Variants in USH2A observed in about 807,000 individuals in gnomAD.
USH2A encodes usherin, also known as Usher syndrome 2A (autosomal recessive, mild).
Under a neutral mutation model 538.9 loss-of-function variants are expected in USH2A, and 443 were observed. That is an observed-to-expected ratio of 0.82 (90% CI 0.76 to 0.89). USH2A has a LOEUF of 0.89. Ranked by LOEUF, USH2A falls within the 40% of genes least tolerant of loss-of-function variation. The pLI, the probability that USH2A is intolerant of heterozygous loss-of-function variation, is 0.00. For missense variants in USH2A, 6,633 were observed against 6,324.8 expected (o/e 1.05, Z -1.65); for synonymous variants, 2,413 against 2,273.5 (o/e 1.06, Z -1.75).
intron 4 of USH2A, among the ~76,000 whole-genome samples, chr1:216,328,913 A>C (rs918640031): frequency 6.6e-6 from 1 of 152,094 alleles, no homozygotes; most frequent in African/African-American, 2.4e-5. Flanking sequence ...TATTACATAT[A>C]AAAATATTTC....
At chr1:216,011,643 C>A (rs1668573188) in intron 32 of USH2A, among the ~76,000 whole-genome samples, 1 of 152,142 alleles carries the variant, frequency 6.6e-6, no homozygotes, top group Non-Finnish European at 1.5e-5. Flanking sequence ...TGTCTCCGTG[C>A]AGCGGCTGCT....
rs572188002 is a variant in USH2A, at chr1:215,735,283, G to C, written c.11711+6092C>G. On this transcript the variant is annotated intron_variant, in intron 60 of 71. Transcript: ENST00000307340. ...TCCCTCAGTTCTAAAGGTGCTAGCT[G>C]TTTCCTGTAGTTGCCACCTCCATGA... Among the ~76,000 whole-genome samples, 14 of 152,270 alleles carry C rather than the reference G, an allele frequency of 9.2e-5. No individual in the cohort carries two copies. The South Asian group carries it at 2.3e-3, about 25-fold the overall frequency.
chr1:216,243,411 C>T (rs1479136212), intron 13 of USH2A, among the ~76,000 whole-genome samples: 5 of 152,142 alleles, frequency 3.3e-5, no homozygotes, highest in African/African-American at 1.2e-4. Flanking sequence ...CCTAGTATAG[C>T]CAAGGCTGTC....
At chr1:216,014,235 G>A (rs532164490) in intron 32 of USH2A, among the ~76,000 whole-genome samples, 1 of 152,086 alleles carries the variant, frequency 6.6e-6, no homozygotes, top group Non-Finnish European at 1.5e-5. Flanking sequence ...GGTTGGGCGT[G>A]GGGGGAAGGA....
chr1:216,185,342 A>G (rs1208621905), intron 20 of USH2A, among the ~76,000 whole-genome samples: 1 of 151,962 alleles, frequency 6.6e-6, no homozygotes, highest in African/African-American at 2.4e-5. Flanking sequence ...AATGTTTAAA[A>G]CAAGAGAGAG....
Position 216,282,981 on chromosome 1 carries a change from G to A in USH2A, c.1971+6299C>T, listed in dbSNP as rs758247679. On this transcript the variant is annotated intron_variant, in intron 11 of 71. Transcript: ENST00000307340. ...AATCTTTTGGTGATTTTTAAAAGAC[G>A]TTTTCTTAATTTTATTTTCAGATTG... Among the ~76,000 whole-genome samples, 6 of 152,070 alleles carry A rather than the reference G, an allele frequency of 3.9e-5. No individual in the cohort carries two copies. The East Asian group carries it at 5.8e-4, about 15-fold the overall frequency.
chr1:215,813,590 CAA>C (rs1339756792), intron 49 of USH2A, 144 bp downstream of exon 49: 64 of 924,012 alleles, frequency 6.9e-5, no homozygotes, highest in South Asian at 3.7e-4. Flanking sequence ...AAGGAAGAAA[CAA>C]TATTTAGAGC....
intron 67 of USH2A, among the ~76,000 whole-genome samples, chr1:215,645,958 A>G (rs1656838612): frequency 3.9e-5 from 6 of 152,170 alleles, no homozygotes; most frequent in Admixed American, 3.9e-4. Context: ...TAATTTATAT[A>G]TGGAATATTG....
In USH2A at chr1:215,650,767, C is replaced by T; in HGVS notation, c.14168G>A (p.Ser4723Asn). The T allele has an allele frequency of 6.2e-7, 1 of 1,612,302 alleles. No individual in the cohort carries two copies. Among genetic ancestry groups the T allele is most frequent in the Non-Finnish European group, 8.5e-7 (1 of 1,179,748 alleles). The change falls in exon 65 of 72, where the codon AGT becomes AAT. Residue 4723 changes from serine (S) to asparagine (N), a missense_variant. Ser to Asn is a conservative substitution (Grantham distance 46). Transcript: ENST00000307340. ...CCCGGTTCTGCACCATGTCCAGCTA[C>T]TGGGGGCTTTTCCTGCAGAATTCAC... ...WAVNSAGKAP[S>N]SWTWCRTGPA...
At chr1:216,020,705 G>C (rs1043102769) in intron 32 of USH2A, among the ~76,000 whole-genome samples, 1 of 152,112 alleles carries the variant, frequency 6.6e-6, no homozygotes, top group Non-Finnish European at 1.5e-5. Context: ...ATCAGCAACC[G>C]CTTGGGAGAA....
At chr1:216,228,767 C>G (rs184509274) in intron 14 of USH2A, among the ~76,000 whole-genome samples, 1 of 152,146 alleles carries the variant, frequency 6.6e-6, no homozygotes, top group Non-Finnish European at 1.5e-5. Flanking sequence ...AAAGTGCGAC[C>G]ATTTCCAAGG....
chr1:215,976,015 T>G (rs1667612088), intron 35 of USH2A, among the ~76,000 whole-genome samples: 1 of 152,202 alleles, frequency 6.6e-6, no homozygotes, highest in African/African-American at 2.4e-5. Context: ...TAGTTCTCCT[T>G]GTAGACATCT....
At chr1:215,649,813 T>A (rs1359999587) in intron 65 of USH2A, among the ~76,000 whole-genome samples, 1 of 152,214 alleles carries the variant, frequency 6.6e-6, no homozygotes, top group Admixed American at 6.5e-5. Flanking sequence ...AGTATTATAA[T>A]CTCCACTTAT....
intron 21 of USH2A, among the ~76,000 whole-genome samples, chr1:216,147,319 G>C (rs1271186461): frequency 6.6e-6 from 1 of 151,726 alleles, no homozygotes; most frequent in Non-Finnish European, 1.5e-5. Flanking sequence ...CTCACACCTG[G>C]TCCGGCTTAC....
chr1:215,821,593 T>A (rs955959761), intron 47 of USH2A, among the ~76,000 whole-genome samples: 1 of 152,040 alleles, frequency 6.6e-6, no homozygotes, highest in Admixed American at 6.6e-5. Context: ...TTTCCTTTGT[T>A]GTGCAGAAGC....
At chr1:215,697,964 T>C (rs1241707301) in intron 61 of USH2A, among the ~76,000 whole-genome samples, 1 of 152,200 alleles carries the variant, frequency 6.6e-6, no homozygotes, top group African/African-American at 2.4e-5. Context: ...TCTCCTAATG[T>C]TACCCCTCCT....
chr1:215,629,155 A>G, intron 70 of USH2A, 120 bp from the exon 71 acceptor site: 2 of 1,075,956 alleles, frequency 1.9e-6, no homozygotes, highest in Non-Finnish European at 2.8e-6. Context: ...CAATTGTCAC[A>G]TTGTCAATGA....
chr1:216,124,511 T>G (rs186923556), intron 21 of USH2A, among the ~76,000 whole-genome samples: 226 of 151,992 alleles, frequency 1.5e-3, no homozygotes, highest in Non-Finnish European at 2.8e-3. Context: ...CCCCTCCAGA[T>G]AGAAATACAA....
intron 21 of USH2A, among the ~76,000 whole-genome samples, chr1:216,136,961 G>A (rs2033497760): frequency 6.6e-6 from 1 of 152,116 alleles, no homozygotes; most frequent in Admixed American, 6.5e-5. Flanking sequence ...AACTTCTATG[G>A]TTTAAGCTAC....
Sources: gnomAD v4.1 joint callset for allele counts (sites outside exome capture counted in the v4.1 genomes callset) on GRCh38, gnomAD v4.1.1 for gene constraint, MANE v1.5 for transcripts, NCBI Gene and HGNC (gene_info 2026-07-23, HGNC 2026-07-21) for gene names.